Variants in TGIF1 observed in about 807,000 individuals in gnomAD.
TGIF1 encodes the protein homeobox protein TGIF1.
A neutral mutation model predicts 19.3 loss-of-function variants in TGIF1; 4 were observed. That is an observed-to-expected ratio of 0.21 (90% confidence interval 0.10 to 0.47). The LOEUF is 0.47. Ranked by LOEUF, TGIF1 falls within the 20% of genes least tolerant of loss-of-function variation. TGIF1 has a pLI of 0.98. For synonymous variants in TGIF1, 122 were observed against 129.3 expected (o/e 0.94, Z 0.38); for missense variants, 275 against 341.4 (o/e 0.81, Z 1.53).
intron 2 of TGIF1, among the ~76,000 whole-genome samples, chr18:3,437,179 T>C (rs2082624844): frequency 6.6e-6 from 1 of 152,202 alleles, no homozygotes; most frequent in African/African-American, 2.4e-5. Context: ...CAACTCTTTT[T>C]GCACATCCTC....
intron 2 of TGIF1, among the ~76,000 whole-genome samples, chr18:3,422,608 G>A (rs1440287006): frequency 6.7e-6 from 1 of 149,278 alleles, no homozygotes; most frequent in Non-Finnish European, 1.5e-5. Context: ...CTCACTCACC[G>A]ACTCACTGAA....
chr18:3,451,301 A>G lies in TGIF1; in HGVS notation c.16+796A>G, dbSNP rs555694479. 1,806 of 941,896 alleles carry G rather than the reference A, an allele frequency of 1.9e-3. 2 individuals carry two copies. The highest frequency in any genetic ancestry group is 2.2e-3 in the Non-Finnish European group (1,721 of 790,636). 58.3% of individuals were successfully genotyped at this position (941,896 alleles called of 1,614,324 possible). A position where few individuals can be genotyped will look rare whatever the true frequency, so the allele number is the denominator to read the frequency against. On this transcript the variant is annotated intron_variant, in intron 1 of 2. Coordinates refer to ENST00000343820, the MANE Select transcript of TGIF1 (RefSeq NM_003244.4). The surrounding 1 kb of genome is among the most constrained non-coding windows in gnomAD (Gnocchi z 5.4). Reference sequence around the variant, plus strand: ...CACGAAGTGTTCTGGAAGCTTTACAACTAAAACTTGCCGTCAGTTTGGTTT... The same window carrying G: ...CACGAAGTGTTCTGGAAGCTTTACAGCTAAAACTTGCCGTCAGTTTGGTTT...
intron 2 of TGIF1, among the ~76,000 whole-genome samples, chr18:3,426,890 C>T (rs986181001): frequency 3.4e-5 from 5 of 148,278 alleles, no homozygotes; most frequent in African/African-American, 5.0e-5. Context: ...TACTATGCAG[C>T]GGTAAAAAAG....
intron 1 of TGIF1, among the ~76,000 whole-genome samples, chr18:3,417,314 C>T (rs966936665): frequency 2.0e-5 from 3 of 152,028 alleles, no homozygotes; most frequent in Non-Finnish European, 4.4e-5. Context: ...CATGAGCCAC[C>T]GCGTCCGGCT....
chr18:3,452,349 G>T (rs1357495586), intron 1 of TGIF1: 4 of 1,613,328 alleles, frequency 2.5e-6, no homozygotes, highest in Non-Finnish European at 3.4e-6. Flanking sequence ...ACAGGGTCCA[G>T]CTCCTCGGCG....
At chr18:3,423,496 G>A (rs1046883428) in intron 2 of TGIF1, among the ~76,000 whole-genome samples, 12 of 151,958 alleles carry the variant, frequency 7.9e-5, no homozygotes, top group Non-Finnish European at 1.3e-4. Context: ...TGGCTAACAC[G>A]GCGAAACCCC....
rs1016147904 is a variant in TGIF1 at position 3,451,773 on chromosome 18, T to C, written c.16+1268T>C. 8.0e-7 allele frequency: 1 copy of C among 1,256,382 alleles called. No homozygotes were observed. The highest frequency in any genetic ancestry group is 1.0e-6 in the Non-Finnish European group (1 of 1,001,304). The allele number at this position is 1,256,382 out of a possible 1,614,324, so 77.8% of individuals were successfully genotyped here. On this transcript the variant is annotated intron_variant, in intron 1 of 2. Transcript: ENST00000343820. The surrounding 1 kb of genome is among the most constrained non-coding windows in gnomAD (Gnocchi z 5.4). ...AACTCGGATCAACTGGCAGTCGTTG[T>C]TGGTAGAACGCCCTAAGGACCCCTC...
intron 2 of TGIF1, among the ~76,000 whole-genome samples, chr18:3,426,057 A>G (rs2082463657): frequency 6.7e-6 from 1 of 149,672 alleles, no homozygotes; most frequent in Non-Finnish European, 1.5e-5. Flanking sequence ...CCTTTTATCT[A>G]TTTTGTTTGG....
intron 2 of TGIF1, among the ~76,000 whole-genome samples, chr18:3,428,803 AG>A (rs1437740631): frequency 1.3e-5 from 2 of 152,048 alleles, no homozygotes; most frequent in African/African-American, 4.8e-5. Flanking sequence ...GCACTTTGGG[AG>A]GCCAAGGTGG....
Position 3,451,854 on chromosome 18 carries a change from CG to C in TGIF1, c.16+1355del. 7.1e-7 allele frequency: 1 copy of C among 1,401,508 alleles called. No individual in the cohort carries two copies. Among genetic ancestry groups the C allele is most frequent in the Non-Finnish European group, 9.3e-7 (1 of 1,077,642 alleles). The allele number at this position is 1,401,508 out of a possible 1,614,324, so 86.8% of individuals were successfully genotyped here. A position where few individuals can be genotyped will look rare whatever the true frequency, so the allele number is the denominator to read the frequency against. ...GGAATTGGCCCTGGGAGAAAACGCG[CG>C]GGGGGCGTCCGAGACGCCCCGTGAA... On this transcript the variant is annotated intron_variant, in intron 1 of 2. Transcript: ENST00000343820. This position sits in a 1 kb window ranked among gnomAD's most constrained non-coding sequence, Gnocchi z 5.4.
At chr18:3,440,020 C>G (rs1159375774) in intron 2 of TGIF1, among the ~76,000 whole-genome samples, 1 of 143,282 alleles carries the variant, frequency 7.0e-6, no homozygotes, top group South Asian at 2.2e-4. Flanking sequence ...GACCCTGTCT[C>G]AAAGAAAAAA....
chr18:3,445,765 C>CAAAAAAAAAAAAAAAAAAA (rs755240649), upstream of TGIF1, among the ~76,000 whole-genome samples: 1 of 35,848 alleles, frequency 2.8e-5, no homozygotes, highest in Non-Finnish European at 4.4e-5. Context: ...AGAAGAAAAG[C>CAAAAAAAAAAAAAAAAAAA]AAAAAAAAAA....
In TGIF1 at chr18:3,456,555, A is replaced by G. The variant is rs201903763; in HGVS notation, c.218A>G (p.Gln73Arg). The G allele has an allele frequency of 3.7e-5, 60 of 1,614,266 alleles. No individual in the cohort carries two copies. The South Asian group carries it at 6.1e-4, about 17-fold the overall frequency. Residue 73 changes from glutamine (Q) to arginine (R), a missense_variant, in exon 2 of 3, where the codon CAG becomes CGG. Physicochemically the swap from Gln to Arg is conservative, Grantham distance 43 (BLOSUM62 1). Coordinates refer to ENST00000343820, the MANE Select transcript of TGIF1 (RefSeq NM_003244.4). The surrounding 1 kb of genome is among the most constrained non-coding windows in gnomAD (Gnocchi z 4.2). ...PSEQEKALLS[Q>R]QTHLSTLQVC... ...GAGCAAGAAAAAGCGTTGCTGTCCCAGCAAACACACCTGTCTACGCTACAG... is the reference window on the plus strand; with the variant it reads ...GAGCAAGAAAAAGCGTTGCTGTCCCGGCAAACACACCTGTCTACGCTACAG...
At chr18:3,415,103 T>G (rs2082314520) in intron 1 of TGIF1, 1 of 156,926 alleles carries the variant, frequency 6.4e-6, no homozygotes, top group African/African-American at 2.4e-5. Flanking sequence ...GAAGCCATAT[T>G]TGGTCTCCCT....
chr18:3,450,369 A>T lies in TGIF1; in HGVS notation c.-121A>T. 4 of 1,524,716 alleles carry T rather than the reference A, an allele frequency of 2.6e-6. No individual in the cohort carries two copies. The Admixed American group carries it at 8.2e-5, about 31-fold the overall frequency. 94.4% of individuals were successfully genotyped at this position (1,524,716 alleles called of 1,614,324 possible). The stretch of plus-strand genomic sequence containing the variant: ...CGTCCTGTTTAGCAATAACGGCTGG[A>T]GCACGTCCTACAAGTTACGGGAGAG... On this transcript the variant is annotated 5_prime_UTR_variant, in exon 1 of 3. Transcript: ENST00000343820.
At chr18:3,422,681 T>TTTTTTG (rs1568029525) in intron 2 of TGIF1, among the ~76,000 whole-genome samples, 6 of 123,854 alleles carry the variant, frequency 4.8e-5, no homozygotes, top group East Asian at 2.3e-4. Flanking sequence ...GCCTTTTTTT[T>TTTTTTG]TTTTTTTTTT....
At chr18:3,453,871 A>G in intron 1 of TGIF1, 1 of 982,598 alleles carries the variant, frequency 1.0e-6, no homozygotes. Context: ...GCAAAGCAAG[A>G]CGTTTGGAAA....
chr18:3,450,191 G>A lies in TGIF1; in HGVS notation c.-299G>A, dbSNP rs994460789. On this transcript the variant is annotated 5_prime_UTR_variant, in exon 1 of 3. Transcript: ENST00000343820. ...TCTCTCACTCTGACAGCGCCGAGGTGCGCCGAGCAGGAGCAGGGAACAAAG... is the reference window on the plus strand; with the variant it reads ...TCTCTCACTCTGACAGCGCCGAGGTACGCCGAGCAGGAGCAGGGAACAAAG... The A allele has an allele frequency of 4.4e-6, 6 of 1,352,514 alleles. No individual in the cohort carries two copies. The East Asian group carries it at 8.8e-5, about 20-fold the overall frequency. The allele number at this position is 1,352,514 out of a possible 1,614,324, so 83.8% of individuals were successfully genotyped here. A position where few individuals can be genotyped will look rare whatever the true frequency, so the allele number is the denominator to read the frequency against.
At position 3,433,076 on chromosome 18, in the gene TGIF1, T is replaced by C. The variant is rs958575508; in HGVS notation, c.-45+14861T>C. Among the ~76,000 whole-genome samples, 6 of 150,526 alleles carry C rather than the reference T, an allele frequency of 4.0e-5. 1 individual carries two copies. The highest frequency in any genetic ancestry group is 6.5e-3 in the Middle Eastern group (2 of 310). ...GCCTGGCCTTCTTCTTCTTCTTCTTTTTTTTTTTTGAGACTGATTCTGATT... is the reference window on the plus strand; with the variant it reads ...GCCTGGCCTTCTTCTTCTTCTTCTTCTTTTTTTTTGAGACTGATTCTGATT... On this transcript the variant is annotated intron_variant, in intron 2 of 3. Coordinates refer to the TGIF1 transcript ENST00000401449.
Sources: allele counts gnomAD v4.1 joint callset (sites outside exome capture counted in the v4.1 genomes callset), GRCh38; gene constraint gnomAD v4.1.1; non-coding constraint Gnocchi (gnomAD v3.1); transcripts MANE v1.5; gene names NCBI Gene and HGNC (gene_info 2026-07-23, HGNC 2026-07-21).